The following DLG1 variants were observed in gnomAD, a reference collection of about 807,000 sequenced individuals.
The protein encoded by DLG1 is discs large MAGUK scaffold protein 1.
A neutral mutation model predicts 123.4 loss-of-function variants in DLG1; 42 were observed. The ratio of observed to expected loss-of-function variants is 0.34; its 90% confidence interval spans 0.27 to 0.44. The LOEUF (loss-of-function observed/expected upper bound fraction) is 0.44. Ranked by LOEUF, DLG1 falls within the 20% of genes least tolerant of loss-of-function variation. The pLI is 1.00. For missense variants in DLG1, 942 were observed against 1,082.6 expected (o/e 0.87, Z 1.82); for synonymous variants, 317 against 356.2 (o/e 0.89, Z 1.24).
At chr3:197,082,214 A>G (rs1751577782) in intron 16 of DLG1, among the ~76,000 whole-genome samples, 1 of 151,782 alleles carries the variant, frequency 6.6e-6, no homozygotes, top group African/African-American at 2.4e-5. Context: ...TACTAAAAAT[A>G]TAAAAATTAG....
At position 197,065,331 on chromosome 3, in the gene DLG1, T is replaced by C. The variant is rs1215777777; in HGVS notation, c.2318A>G (p.Tyr773Cys). The change falls in exon 22 of 25, where the codon TAT (tyrosine) becomes TGT (cysteine). Residue 773 changes from tyrosine to cysteine, a missense_variant. Coordinates refer to ENST00000667157, the MANE Select transcript of DLG1 (RefSeq NM_001366207.1). ...ACTTGTTCCATATAGATGATTGTTA[T>C]ACTGGCCAGCTTCAATGAATTTATG... is the stretch of plus-strand genomic sequence containing the variant. Reference protein sequence around the residue: ...QEHKFIEAGQYNNHLYGTSVQ... With the variant: ...QEHKFIEAGQCNNHLYGTSVQ... 1.2e-6 allele frequency: 2 copies of C among 1,613,158 alleles called. No individual in the cohort carries two copies. The highest frequency in any genetic ancestry group is 1.7e-5 in the Admixed American group (1 of 59,856).
At chr3:197,288,383 GA>G (rs951261980) in intron 3 of DLG1, among the ~76,000 whole-genome samples, 5 of 109,574 alleles carry the variant, frequency 4.6e-5, no homozygotes, top group African/African-American at 1.6e-4. Context: ...AAAAAAAAAA[GA>G]AAAGAAAAGG....
chr3:197,191,642 T>G (rs1209063955), intron 5 of DLG1, among the ~76,000 whole-genome samples: 1 of 152,090 alleles, frequency 6.6e-6, no homozygotes, highest in African/African-American at 2.4e-5. Context: ...TAAATTAGAT[T>G]AACTCAATCA....
At chr3:197,161,979 C>T (rs986292783) in intron 5 of DLG1, among the ~76,000 whole-genome samples, 2 of 152,096 alleles carry the variant, frequency 1.3e-5, no homozygotes, top group East Asian at 1.9e-4. Context: ...TCTTTAGATG[C>T]TTAAATCATA....
At chr3:197,268,108 G>A (rs914809184) in intron 4 of DLG1, among the ~76,000 whole-genome samples, 1 of 152,202 alleles carries the variant, frequency 6.6e-6, no homozygotes, top group Non-Finnish European at 1.5e-5. Flanking sequence ...AAAAACAGGA[G>A]AGGTGAGGAG....
At chr3:197,280,471 T>C (rs1768765032) in intron 4 of DLG1, among the ~76,000 whole-genome samples, 2 of 152,152 alleles carry the variant, frequency 1.3e-5, no homozygotes, top group Admixed American at 1.3e-4. Context: ...AGGTATCCCT[T>C]TGATATTCTG....
chr3:197,130,845 A>G (rs148823751), intron 10 of DLG1, among the ~76,000 whole-genome samples, 174 bp from the exon 11 acceptor site: 3 of 152,212 alleles, frequency 2.0e-5, no homozygotes, highest in Non-Finnish European at 4.4e-5. Flanking sequence ...TTATCATGAC[A>G]TGTGAAGTCG....
chr3:197,110,973 T>C (rs374952914), intron 13 of DLG1, among the ~76,000 whole-genome samples: 1 of 152,168 alleles, frequency 6.6e-6, no homozygotes, highest in South Asian at 2.1e-4. Flanking sequence ...TGAACATGTG[T>C]GTGGCCTTCT....
intron 6 of DLG1, among the ~76,000 whole-genome samples, chr3:197,145,252 T>C (rs909861840): frequency 6.6e-6 from 1 of 152,336 alleles, no homozygotes; most frequent in East Asian, 1.9e-4. Flanking sequence ...ATTTGCATCA[T>C]CTTGTTTCTT....
At chr3:197,194,913 T>C (rs1721600562) in intron 4 of DLG1, among the ~76,000 whole-genome samples, 1 of 152,118 alleles carries the variant, frequency 6.6e-6, no homozygotes, top group African/African-American at 2.4e-5. Context: ...AAAGCCAAAG[T>C]TAGGCACCTT....
chr3:197,077,844 AATT>A (rs1274208169), intron 17 of DLG1, among the ~76,000 whole-genome samples: 5 of 152,206 alleles, frequency 3.3e-5, no homozygotes, highest in African/African-American at 9.7e-5. Context: ...TGACACTAAG[AATT>A]ATTATTTTTT....
At chr3:197,098,845 A>G (rs1762023743) in intron 14 of DLG1, among the ~76,000 whole-genome samples, 1 of 152,128 alleles carries the variant, frequency 6.6e-6, no homozygotes, top group Non-Finnish European at 1.5e-5. Flanking sequence ...TCTTTGCCTT[A>G]CTCTTAACAA....
At chr3:197,259,693 G>A (rs1414911606) in intron 4 of DLG1, among the ~76,000 whole-genome samples, 1 of 152,156 alleles carries the variant, frequency 6.6e-6, no homozygotes. Flanking sequence ...GAGATTAAGT[G>A]AAGCATGCTG....
intron 7 of DLG1, among the ~76,000 whole-genome samples, chr3:197,141,778 G>C (rs971575780): frequency 6.6e-6 from 1 of 151,936 alleles, no homozygotes; most frequent in Non-Finnish European, 1.5e-5. Context: ...GCTAGAGTGC[G>C]ATCTCGGCTC....
At chr3:197,075,634 CATGTGAAAAATAAAAACA>C (rs1459465840) in intron 18 of DLG1, among the ~76,000 whole-genome samples, 1 of 151,902 alleles carries the variant, frequency 6.6e-6, no homozygotes, top group Non-Finnish European at 1.5e-5. Context: ...TTTCAAATGA[CATGTGAAAAATAAAAACA>C]AAAAGTTATG....
At chr3:197,196,171 C>CAAAAAA (rs71162001) in intron 4 of DLG1, among the ~76,000 whole-genome samples, 26 of 88,724 alleles carry the variant, frequency 2.9e-4, no homozygotes, top group African/African-American at 4.5e-4. Flanking sequence ...AAATGCACAC[C>CAAAAAA]AAAAAAAAAA....
Position 197,051,626 on chromosome 3 carries a change from T to C in DLG1, c.2526A>G (p.Thr842=), listed in dbSNP as rs1336409340. 6.2e-7 allele frequency: 1 copy of C among 1,614,058 alleles called. No homozygotes were observed. The highest frequency in any genetic ancestry group is 2.2e-5 in the East Asian group (1 of 44,882). Residue 842 remains threonine, a synonymous_variant, in exon 24 of 25, where the codon ACA becomes ACG. Transcript: ENST00000667157. ...GTTCCAGTTTCATGGCTCTCTCAAATGTTTTTCTGGCTTGTTCTTCTGTTA... is the reference window on the plus strand; with the variant it reads ...GTTCCAGTTTCATGGCTCTCTCAAACGTTTTTCTGGCTTGTTCTTCTGTTA... ...KRLTEEQARK[T]FERAMKLEQE...
At position 197,259,062 on chromosome 3, in the gene DLG1, T is replaced by C. The variant is rs373862880; in HGVS notation, c.318+23617A>G. Among the ~76,000 whole-genome samples, 61 of 152,292 alleles carry C rather than the reference T, an allele frequency of 4.0e-4. 1 individual carries two copies. The South Asian group carries it at 0.012, about 29-fold the overall frequency. ...TGGAGCAGAGAGAGGAGATAGATCATTTCAAATAACCTTGCTATAATACTG... is the reference window on the plus strand; with the variant it reads ...TGGAGCAGAGAGAGGAGATAGATCACTTCAAATAACCTTGCTATAATACTG... On this transcript the variant is annotated intron_variant, in intron 4 of 24. Coordinates refer to ENST00000667157, the MANE Select transcript of DLG1 (RefSeq NM_001366207.1).
At chr3:197,225,442 C>T (rs1739369306) in intron 4 of DLG1, among the ~76,000 whole-genome samples, 1 of 152,064 alleles carries the variant, frequency 6.6e-6, no homozygotes, top group South Asian at 2.1e-4. Flanking sequence ...ATCTAAATAG[C>T]AACACAATTT....
Sources: allele counts gnomAD v4.1 joint callset (sites outside exome capture counted in the v4.1 genomes callset), GRCh38; gene constraint gnomAD v4.1.1; transcripts MANE v1.5; gene names NCBI Gene and HGNC (gene_info 2026-07-23, HGNC 2026-07-21).